TUSC3: variants seen among roughly 807,000 people sequenced by gnomAD.
The protein encoded by TUSC3 is tumor suppressor candidate 3.
TUSC3 carries 45 observed loss-of-function variants against 44.8 expected under a neutral mutation model. That is an observed-to-expected ratio of 1.00 (90% confidence interval 0.79 to 1.29). The LOEUF (loss-of-function observed/expected upper bound fraction) is 1.29. Ranked by LOEUF, TUSC3 falls within the 50% of genes most tolerant of loss-of-function variation. TUSC3 has a pLI of 0.00. For synonymous variants in TUSC3, 212 were observed against 152.9 expected (o/e 1.39, Z -2.85); for missense variants, 519 against 437.9 (o/e 1.19, Z -1.65).
intron 6 of TUSC3, among the ~76,000 whole-genome samples, chr8:15,703,110 A>G (rs971014681): frequency 6.6e-6 from 1 of 152,152 alleles, no homozygotes; most frequent in South Asian, 2.1e-4. Context: ...CCAAATGATT[A>G]CAGAATCTCA....
intron 1 of TUSC3, among the ~76,000 whole-genome samples, chr8:15,555,602 G>C (rs1053892159): frequency 4.2e-4 from 64 of 151,600 alleles, no homozygotes; most frequent in Non-Finnish European, 7.4e-5. Flanking sequence ...GAAATTGTTA[G>C]GCAGTTAATG....
intron 1 of TUSC3, among the ~76,000 whole-genome samples, chr8:15,427,967 A>T (rs962230897): frequency 2.0e-5 from 3 of 150,046 alleles, no homozygotes; most frequent in Non-Finnish European, 3.0e-5. Flanking sequence ...CTTTTTTTAA[A>T]TTTTTTTTTT....
At chr8:15,471,295 G>A (rs1800490872) in intron 1 of TUSC3, among the ~76,000 whole-genome samples, 1 of 152,130 alleles carries the variant, frequency 6.6e-6, no homozygotes, top group Non-Finnish European at 1.5e-5. Context: ...ATTTGGTGAT[G>A]TTCTTGTGAC....
chr8:15,806,149 A>G, the TUSC3 span: 1 of 469,836 alleles, frequency 2.1e-6, no homozygotes. Context: ...GAGCAGTTTT[A>G]GCACATAGCA....
chr8:15,441,145 G>C (rs181039218), intron 1 of TUSC3, among the ~76,000 whole-genome samples: 2 of 152,222 alleles, frequency 1.3e-5, no homozygotes, highest in Non-Finnish European at 2.9e-5. Context: ...AGTGGCTCAC[G>C]CCTGTAATCC....
intron 6 of TUSC3, among the ~76,000 whole-genome samples, chr8:15,678,970 T>G (rs1445745390): frequency 6.6e-6 from 1 of 152,220 alleles, no homozygotes; most frequent in East Asian, 1.9e-4. Context: ...TATTCCTTGG[T>G]GTATATGTAC....
At chr8:15,427,930 A>G (rs73189467) in intron 1 of TUSC3, among the ~76,000 whole-genome samples, 21,045 of 152,070 alleles carry the variant, frequency 0.14, 1,553 homozygotes, top group Middle Eastern at 0.21. Context: ...TTTTGCATAC[A>G]GTATGAGATA....
chr8:15,477,377 C>T (rs1800592339), intron 1 of TUSC3, among the ~76,000 whole-genome samples: 1 of 152,096 alleles, frequency 6.6e-6, no homozygotes, highest in Non-Finnish European at 1.5e-5. Context: ...CTAATAATTA[C>T]TTGCAATCAA....
chr8:15,720,219 CACACACACACACACAG>C (rs937531385), intron 6 of TUSC3, among the ~76,000 whole-genome samples: 2 of 149,430 alleles, frequency 1.3e-5, no homozygotes, highest in Non-Finnish European at 3.0e-5. Context: ...CACACACACA[CACACACACACACACAG>C]AGAGAACATT....
At chr8:15,660,722 T>C (rs923678077) in intron 4 of TUSC3, among the ~76,000 whole-genome samples, 6 of 151,896 alleles carry the variant, frequency 4.0e-5, no homozygotes, top group East Asian at 1.9e-4. Context: ...CTAATTCTTA[T>C]CATTTTTTAA....
At chr8:15,654,821 A>T (rs1807082777) in intron 3 of TUSC3, among the ~76,000 whole-genome samples, 2 of 152,082 alleles carry the variant, frequency 1.3e-5, no homozygotes. Flanking sequence ...TAAATAAAAT[A>T]GTTTTCATTA....
rs1055763918 is a variant in TUSC3 at position 15,718,183 on chromosome 8, A to T, written c.799-12483A>T. On this transcript the variant is annotated intron_variant, in intron 6 of 10. Transcript: ENST00000503731. ...TTGGAAGATTTAACTAGAAGTGAGG[A>T]ATTGGAAAGTAAAGATTAGTGATAA... Among the ~76,000 whole-genome samples the T allele has an allele frequency of 1.7e-4, 26 of 152,212 alleles. No homozygotes were observed. The East Asian group carries it at 5.0e-3, about 29-fold the overall frequency.
intron 1 of TUSC3, among the ~76,000 whole-genome samples, chr8:15,438,240 A>G (rs1799976452): frequency 6.6e-6 from 1 of 152,050 alleles, no homozygotes. Context: ...GATTACAGGC[A>G]TGCGCCACCA....
intron 6 of TUSC3, among the ~76,000 whole-genome samples, chr8:15,729,762 T>C (rs1810642559): frequency 6.6e-6 from 1 of 152,076 alleles, no homozygotes; most frequent in Non-Finnish European, 1.5e-5. Flanking sequence ...TCAGGTACTT[T>C]ACTCACTACC....
rs371147535 is a variant in TUSC3 at position 15,432,494 on chromosome 8, G to T, written n.91+15189G>T. 6.2e-4 allele frequency among the ~76,000 whole-genome samples: 94 copies of T among 152,202 alleles called. No homozygotes were observed. In the South Asian group the frequency reaches 0.011, roughly 17 times the overall value. ...AAGTGTCATAATTTCAGCATTCTCT[G>T]CCAAGTCTGGTTCTGATGCTTGCTC... is the stretch of plus-strand genomic sequence containing the variant. On this transcript the variant is annotated intron_variant and non_coding_transcript_variant, in intron 1 of 5. Transcript: ENST00000503191.
At chr8:15,758,457 A>G (rs1021190997) in intron 10 of TUSC3, among the ~76,000 whole-genome samples, 1 of 151,864 alleles carries the variant, frequency 6.6e-6, no homozygotes, top group African/African-American at 2.4e-5. Context: ...AAAATTCACA[A>G]TCCAGTTTTT....
rs149803511 is a variant in TUSC3 at position 15,499,976 on chromosome 8, C to T, written n.189+16493C>T. 6.3e-3 allele frequency among the ~76,000 whole-genome samples: 956 copies of T among 152,256 alleles called. 4 individuals are homozygous for T. Among genetic ancestry groups the T allele is most frequent in the Non-Finnish European group, 9.6e-3 (655 of 68,022 alleles). ...ATACCAATATAGATCATATTTCCAGCACTCTATATTTTAAACTCCATTCCT... is the reference window on the plus strand; with the variant it reads ...ATACCAATATAGATCATATTTCCAGTACTCTATATTTTAAACTCCATTCCT... On this transcript the variant is annotated intron_variant and non_coding_transcript_variant, in intron 2 of 5. Coordinates refer to the TUSC3 transcript ENST00000503191.
chr8:15,842,242 T>A, the TUSC3 span, among the ~76,000 whole-genome samples: 5 of 152,096 alleles, frequency 3.3e-5, no homozygotes, highest in African/African-American at 1.2e-4. Flanking sequence ...CCGACTTGGG[T>A]TAGAAGTGCA....
At chr8:15,708,864 C>A (rs964014793) in intron 6 of TUSC3, among the ~76,000 whole-genome samples, 4 of 151,826 alleles carry the variant, frequency 2.6e-5, no homozygotes, top group African/African-American at 9.7e-5. Flanking sequence ...CTGATAAATA[C>A]ATCAGAATTT....
Sources: gnomAD v4.1 joint callset for allele counts (sites outside exome capture counted in the v4.1 genomes callset) on GRCh38, gnomAD v4.1.1 for gene constraint, MANE v1.5 for transcripts, NCBI Gene and HGNC (gene_info 2026-07-23, HGNC 2026-07-21) for gene names.